PPEF1: variants seen among roughly 807,000 people sequenced by gnomAD.
PPEF1 encodes protein phosphatase with EF-hand domain 1.
A neutral mutation model predicts 53.3 loss-of-function variants in PPEF1; 12 were observed. That is an observed-to-expected ratio of 0.23 (90% CI 0.14 to 0.36). PPEF1 has a LOEUF of 0.36. Among genes scored for constraint, PPEF1 ranks in the 10% least tolerant of loss-of-function variants. PPEF1 has a pLI of 1.00. For missense variants in PPEF1, 334 were observed against 490.4 expected (o/e 0.68, Z 3.01); for synonymous variants, 165 against 176.7 (o/e 0.93, Z 0.52).
chrX:18,715,422 C>A (rs1194845425), intron 1 of PPEF1, among the ~76,000 whole-genome samples: 2 of 110,676 alleles, frequency 1.8e-5, no homozygotes, highest in Non-Finnish European at 3.8e-5. Flanking sequence ...ATCCCAGTTA[C>A]TTGGGAGGCT....
intron 2 of PPEF1, among the ~76,000 whole-genome samples, chrX:18,733,074 C>T (rs771469787): frequency 9.0e-6 from 1 of 111,055 alleles, no homozygotes; most frequent in Admixed American, 9.6e-5. Context: ...GACATGGTGG[C>T]GAGTGCCTGT....
At chrX:18,682,535 C>T (rs987238119), upstream of PPEF1, among the ~76,000 whole-genome samples, 1 of 111,643 alleles carries the variant, frequency 9.0e-6, no homozygotes, top group Non-Finnish European at 1.9e-5. Flanking sequence ...ACCAAGGGAT[C>T]CCAGCTGAGC....
chrX:18,740,035 C>T (rs1460700450), intron 3 of PPEF1, among the ~76,000 whole-genome samples: 9 of 112,531 alleles, frequency 8.0e-5, no homozygotes, highest in East Asian at 5.6e-4. Flanking sequence ...CCATCTGTCA[C>T]GGCTTCCCTT....
chrX:18,700,501 T>C (rs1268961744), intron 6 of PPEF1: 1 of 109,923 alleles, frequency 9.1e-6, no homozygotes, highest in East Asian at 2.9e-4. Context: ...ACATATATCG[T>C]GTGGCAATGG....
chrX:18,714,211 C>T (rs1221752893), intron 1 of PPEF1, among the ~76,000 whole-genome samples: 5 of 109,339 alleles, frequency 4.6e-5, no homozygotes, highest in Non-Finnish European at 9.5e-5. Context: ...GTTATTATTC[C>T]TGTTTGTATA....
chrX:18,691,132 T>A (rs1737644196), intron 4 of PPEF1: 1 of 111,743 alleles, frequency 8.9e-6, no homozygotes, highest in South Asian at 3.7e-4. Context: ...GTGAATGGAG[T>A]ATGATCCGGG....
intron 1 of PPEF1, among the ~76,000 whole-genome samples, chrX:18,715,732 G>A (rs2044438207): frequency 9.0e-6 from 1 of 111,502 alleles, no homozygotes; most frequent in African/African-American, 3.3e-5. Flanking sequence ...ACTGCCCCAA[G>A]TTACACACTC....
chrX:18,740,134 C>T (rs34467469), intron 3 of PPEF1, among the ~76,000 whole-genome samples: 45,736 of 111,000 alleles, frequency 0.41, 7,966 homozygotes, highest in Non-Finnish European at 0.56. Flanking sequence ...TGGGCTGCAC[C>T]CACTGTCCAA....
chrX:18,752,390 C>T (rs181703431), intron 4 of PPEF1, among the ~76,000 whole-genome samples: 1,121 of 109,547 alleles, frequency 0.01, 17 homozygotes, highest in African/African-American at 0.035. Context: ...TGTATGTGTG[C>T]GTGTGTGGTG....
At chrX:18,821,804 A>AGAGAGAG (rs1569273883) in intron 13 of PPEF1, among the ~76,000 whole-genome samples, 7 of 68,594 alleles carry the variant, frequency 1.0e-4, no homozygotes, top group African/African-American at 2.1e-4. Flanking sequence ...AGAGAGAGAG[A>AGAGAGAG]AAACAAATAA....
rs1435468563 is a variant in PPEF1, at chrX:18,770,667, A to G, written c.559-8343A>G. ...TGAGGTTTAACTGAAGACATTCATT[A>G]CTCTTTGCTCATAGTAGAGGTGAAA... is the stretch of plus-strand genomic sequence containing the variant. On this transcript the variant is annotated intron_variant, in intron 6 of 15. Coordinates refer to ENST00000470157, the MANE Select transcript of PPEF1 (RefSeq NM_001377996.1). Among the ~76,000 whole-genome samples the G allele has an allele frequency of 2.7e-5, 3 of 111,622 alleles. No homozygotes were observed. The East Asian group carries it at 8.4e-4, about 31-fold the overall frequency.
chrX:18,727,595 C>G (rs1166088592), intron 1 of PPEF1, among the ~76,000 whole-genome samples: 3 of 110,435 alleles, frequency 2.7e-5, no homozygotes, highest in Non-Finnish European at 5.7e-5. Flanking sequence ...TGGGTGTCCT[C>G]TAATTCAGAT....
At chrX:18,782,471 C>T in intron 8 of PPEF1, 69 bp downstream of exon 8, 1 of 847,701 alleles carries the variant, frequency 1.2e-6, no homozygotes. Context: ...TTAAAAAGAG[C>T]CAAGAAAGAC....
chrX:18,765,539 A>G (rs888051283), intron 6 of PPEF1, among the ~76,000 whole-genome samples: 1 of 111,690 alleles, frequency 9.0e-6, no homozygotes, highest in Non-Finnish European at 1.9e-5. Context: ...CCTTTTTACT[A>G]TATGTATGTA....
intron 1 of PPEF1, among the ~76,000 whole-genome samples, chrX:18,708,574 T>G (rs777957085): frequency 1.8e-5 from 2 of 112,291 alleles, no homozygotes; most frequent in Non-Finnish European, 3.8e-5. Context: ...TTCTTTGATG[T>G]CTAGGTTATA....
intron 12 of PPEF1, among the ~76,000 whole-genome samples, chrX:18,806,864 C>T (rs1355485208): frequency 8.9e-6 from 1 of 112,236 alleles, no homozygotes; most frequent in Non-Finnish European, 1.9e-5. Context: ...CCACAAACAG[C>T]TCTATCTGGT....
At chrX:18,785,586 A>T (rs905417697) in intron 9 of PPEF1, among the ~76,000 whole-genome samples, 2 of 111,134 alleles carry the variant, frequency 1.8e-5, no homozygotes, top group Non-Finnish European at 3.8e-5. Context: ...TCTAAAAAAA[A>T]AAAATCCCAG....
intron 13 of PPEF1, among the ~76,000 whole-genome samples, chrX:18,821,758 C>CGAGAGAGAGAGAGA (rs754652406): frequency 2.1e-3 from 61 of 28,654 alleles, no homozygotes; most frequent in African/African-American, 5.4e-3. Flanking sequence ...GAAACCATGG[C>CGAGAGAGAGAGAGA]GAGAGAGAGA....
intron 5 of PPEF1, 128 bp downstream of exon 5, chrX:18,757,869 C>G: frequency 2.4e-6 from 1 of 413,017 alleles, no homozygotes; most frequent in Non-Finnish European, 4.2e-6. Context: ...AATTATCTAT[C>G]ATGATAATAC....
Sources: allele counts gnomAD v4.1 joint callset (sites outside exome capture counted in the v4.1 genomes callset), GRCh38; gene constraint gnomAD v4.1.1; transcripts MANE v1.5; gene names NCBI Gene and HGNC (gene_info 2026-07-23, HGNC 2026-07-21).